Variants in ADGRB3 observed in about 807,000 individuals in gnomAD.
ADGRB3 encodes the protein adhesion G protein-coupled receptor B3.
ADGRB3 carries 37 observed loss-of-function variants against 193.4 expected under a neutral mutation model. The observed-to-expected ratio is 0.19, with a 90% confidence interval of 0.15 to 0.25. The LOEUF (loss-of-function observed/expected upper bound fraction) is 0.25. Ranked by LOEUF, ADGRB3 falls within the 10% of genes least tolerant of loss-of-function variation. The probability of loss-of-function intolerance (pLI) is 1.00; values close to 1 mark genes in which losing one functional copy is unlikely to be tolerated. For synonymous variants in ADGRB3, 690 were observed against 644.2 expected (o/e 1.07, Z -1.08); for missense variants, 1,637 against 1,852.9 (o/e 0.88, Z 2.14).
At chr6:69,274,146 T>G (rs1767240217) in intron 20 of ADGRB3, among the ~76,000 whole-genome samples, 1 of 152,194 alleles carries the variant, frequency 6.6e-6, no homozygotes, top group East Asian at 1.9e-4. Context: ...TACCTATACA[T>G]TGAAGTGTTC....
At chr6:68,918,522 G>A (rs1766943144) in intron 3 of ADGRB3, among the ~76,000 whole-genome samples, 1 of 152,108 alleles carries the variant, frequency 6.6e-6, no homozygotes, top group Non-Finnish European at 1.5e-5. Flanking sequence ...TGTCATCAAG[G>A]TGCTCCCAAA....
chr6:69,157,326 G>A (rs1774870009), intron 17 of ADGRB3, among the ~76,000 whole-genome samples: 1 of 152,182 alleles, frequency 6.6e-6, no homozygotes, highest in African/African-American at 2.4e-5. Context: ...AGGGACATAG[G>A]TGTTTGGGGA....
At chr6:69,196,036 T>A (rs1399732490) in intron 17 of ADGRB3, among the ~76,000 whole-genome samples, 2 of 152,134 alleles carry the variant, frequency 1.3e-5, no homozygotes, top group Non-Finnish European at 2.9e-5. Context: ...TGACTTCCAC[T>A]CACCTGTTTT....
At chr6:68,903,300 A>T (rs1259556688) in intron 3 of ADGRB3, among the ~76,000 whole-genome samples, 2 of 152,304 alleles carry the variant, frequency 1.3e-5, no homozygotes, top group African/African-American at 4.8e-5. Flanking sequence ...TATTACTTAA[A>T]ATTGAGAAAT....
At chr6:69,046,166 C>T (rs932663628) in intron 13 of ADGRB3, among the ~76,000 whole-genome samples, 1 of 151,978 alleles carries the variant, frequency 6.6e-6, no homozygotes, top group Non-Finnish European at 1.5e-5. Context: ...AATTATTAGA[C>T]CTCAGGGTCG....
At chr6:68,748,085 G>T in intron 3 of ADGRB3, among the ~76,000 whole-genome samples, 1 of 152,088 alleles carries the variant, frequency 6.6e-6, no homozygotes, top group East Asian at 1.9e-4. Flanking sequence ...GCCTCCCATT[G>T]GGTCCCTCCC....
intron 20 of ADGRB3, among the ~76,000 whole-genome samples, chr6:69,255,231 G>A (rs183725687): frequency 0.016 from 2,418 of 152,190 alleles, 54 homozygotes; most frequent in African/African-American, 0.051. Context: ...CCAGTAATGG[G>A]ATGGCTGGGT....
chr6:68,927,374 A>T (rs1582321475), intron 3 of ADGRB3, among the ~76,000 whole-genome samples: 1 of 152,142 alleles, frequency 6.6e-6, no homozygotes, highest in African/African-American at 2.4e-5. Flanking sequence ...TACTATGCTA[A>T]AAGTTTACCT....
chr6:69,197,730 C>A (rs1765331752), intron 17 of ADGRB3, among the ~76,000 whole-genome samples: 1 of 151,902 alleles, frequency 6.6e-6, no homozygotes, highest in African/African-American at 2.4e-5. Context: ...TAAATATTAT[C>A]AAGTGTAGGT....
intron 3 of ADGRB3, 118 bp downstream of exon 3, chr6:68,639,550 A>T: frequency 7.6e-7 from 1 of 1,321,380 alleles, no homozygotes; most frequent in Admixed American, 2.9e-5. Context: ...TTTTTGATTC[A>T]TTTGATTTGT....
chr6:69,219,960 T>C (rs973137723), intron 17 of ADGRB3, among the ~76,000 whole-genome samples: 5 of 152,110 alleles, frequency 3.3e-5, no homozygotes, highest in African/African-American at 1.2e-4. Context: ...AGTGATGCTA[T>C]ATTAATTATG....
chr6:68,753,188 A>T (rs1766235100), intron 3 of ADGRB3, among the ~76,000 whole-genome samples: 1 of 152,178 alleles, frequency 6.6e-6, no homozygotes, highest in African/African-American at 2.4e-5. Context: ...ATTCATACAC[A>T]AGAATATCAA....
chr6:69,054,651 C>T (rs796884716), intron 15 of ADGRB3, among the ~76,000 whole-genome samples: 8 of 152,060 alleles, frequency 5.3e-5, no homozygotes, highest in East Asian at 1.9e-4. Flanking sequence ...TTACTTAGTG[C>T]GTTATTTTTT....
chr6:68,796,357 A>G (rs1481438976), intron 3 of ADGRB3, among the ~76,000 whole-genome samples: 1 of 152,032 alleles, frequency 6.6e-6, no homozygotes, highest in African/African-American at 2.4e-5. Flanking sequence ...TTAATATATT[A>G]TATGTCTAAA....
intron 13 of ADGRB3, among the ~76,000 whole-genome samples, chr6:69,030,644 C>T (rs1356528734): frequency 6.6e-6 from 1 of 152,122 alleles, no homozygotes; most frequent in Non-Finnish European, 1.5e-5. Flanking sequence ...GAGGGAATAA[C>T]ATTAGGAGAA....
At chr6:69,020,283 A>G (rs551404614) in intron 13 of ADGRB3, among the ~76,000 whole-genome samples, 6 of 152,252 alleles carry the variant, frequency 3.9e-5, no homozygotes, top group African/African-American at 1.4e-4. Context: ...AACAAAGCCA[A>G]TCTCAGAGTC....
chr6:69,155,711 C>A (rs1418494611), intron 17 of ADGRB3, among the ~76,000 whole-genome samples: 1 of 152,156 alleles, frequency 6.6e-6, no homozygotes, highest in Non-Finnish European at 1.5e-5. Context: ...TTACCTCTAC[C>A]ATTTGAAAAA....
chr6:68,806,973 G>C (rs906227277), intron 3 of ADGRB3, among the ~76,000 whole-genome samples: 3 of 152,014 alleles, frequency 2.0e-5, no homozygotes, highest in African/African-American at 4.8e-5. Context: ...GCTTTGATAC[G>C]TATGGGCTGG....
Position 69,115,957 on chromosome 6 carries a change from TG to T in ADGRB3, c.2480+39921del, listed in dbSNP as rs535423816. 1.8e-3 allele frequency among the ~76,000 whole-genome samples: 267 copies of T among 152,344 alleles called. 2 individuals carry two copies. Among genetic ancestry groups the T allele is most frequent in the African/African-American group, 6.2e-3 (259 of 41,580 alleles). Reference sequence around the variant, plus strand: ...GAAAGACAAAAGCATTTTAAGGAATTGGTTTGCACAATTATGGAGGCTGGTA... The same window carrying T: ...GAAAGACAAAAGCATTTTAAGGAATTGTTTGCACAATTATGGAGGCTGGTA... On this transcript the variant is annotated intron_variant, in intron 17 of 31. Coordinates refer to ENST00000370598, the MANE Select transcript of ADGRB3 (RefSeq NM_001704.3).
Sources: gnomAD v4.1 joint callset for allele counts (sites outside exome capture counted in the v4.1 genomes callset) on GRCh38, gnomAD v4.1.1 for gene constraint, MANE v1.5 for transcripts, NCBI Gene and HGNC (gene_info 2026-07-23, HGNC 2026-07-21) for gene names.